Variants in CNTLN observed in about 807,000 individuals in gnomAD.
CNTLN encodes the protein centlein, centrosomal protein.
CNTLN carries 212 observed loss-of-function variants against 180.0 expected under a neutral mutation model. That is an observed-to-expected ratio of 1.18 (90% CI 1.05 to 1.32). The LOEUF is 1.32. Ranked by LOEUF, CNTLN falls within the 40% of genes most tolerant of loss-of-function variation. The probability of loss-of-function intolerance (pLI) is 0.00; values close to 1 mark genes in which losing one functional copy is unlikely to be tolerated. For missense variants in CNTLN, 2,095 were observed against 1,610.9 expected (o/e 1.30, Z -5.14); for synonymous variants, 722 against 563.1 (o/e 1.28, Z -3.99).
chr9:17,168,514 A>G (rs1283469060), intron 2 of CNTLN: 1 of 152,192 alleles, frequency 6.6e-6, no homozygotes, highest in African/African-American at 2.4e-5. Context: ...TTGAAAAAAT[A>G]ACATGTAACT....
At chr9:17,166,032 A>T (rs1429843099) in intron 2 of CNTLN, among the ~76,000 whole-genome samples, 1 of 152,256 alleles carries the variant, frequency 6.6e-6, no homozygotes. Context: ...ACAAATGATC[A>T]TAAGACATTT....
rs182459128 is a variant in CNTLN, at chr9:17,166,380, G to A, written c.449+23004G>A. On this transcript the variant is annotated intron_variant, in intron 2 of 25. Transcript: ENST00000380647. ...AAGGAAAAGAATAAGAATCAATATAGGTGCTATAACAGTCATTAATAGGAA... is the reference window on the plus strand; with the variant it reads ...AAGGAAAAGAATAAGAATCAATATAAGTGCTATAACAGTCATTAATAGGAA... Among the ~76,000 whole-genome samples, 1,061 of 152,184 alleles carry A rather than the reference G, an allele frequency of 7.0e-3. 7 individuals are homozygous for A. Among genetic ancestry groups the A allele is most frequent in the Non-Finnish European group, 0.011 (729 of 68,000 alleles).
At chr9:17,514,243 G>A in the CNTLN span, among the ~76,000 whole-genome samples, 1 of 152,034 alleles carries the variant, frequency 6.6e-6, no homozygotes, top group East Asian at 1.9e-4. Flanking sequence ...CTGGGGACTT[G>A]TGGGTGCAGT....
chr9:17,471,806 A>G (rs2134240683), intron 23 of CNTLN, among the ~76,000 whole-genome samples: 1 of 152,222 alleles, frequency 6.6e-6, no homozygotes. Context: ...CAGATAAGAG[A>G]GAAGTAAAGA....
chr9:17,490,265 G>C (rs1314538251), intron 25 of CNTLN, among the ~76,000 whole-genome samples: 1 of 152,020 alleles, frequency 6.6e-6, no homozygotes, highest in Non-Finnish European at 1.5e-5. Flanking sequence ...GTCTGGATGT[G>C]GCCTGGCCAT....
downstream of CNTLN, among the ~76,000 whole-genome samples, chr9:17,507,690 A>G (rs1293615605): frequency 6.6e-6 from 1 of 152,218 alleles, no homozygotes; most frequent in African/African-American, 2.4e-5. Context: ...TTTCATCAAA[A>G]AGATGATTTT....
intron 2 of CNTLN, among the ~76,000 whole-genome samples, chr9:17,190,595 T>C (rs1821732678): frequency 6.6e-6 from 1 of 152,180 alleles, no homozygotes; most frequent in Non-Finnish European, 1.5e-5. Context: ...GATTGACAGA[T>C]ATAGGTAGTG....
chr9:17,358,909 A>T (rs940000633), intron 12 of CNTLN, among the ~76,000 whole-genome samples: 1 of 152,194 alleles, frequency 6.6e-6, no homozygotes, highest in Non-Finnish European at 1.5e-5. Flanking sequence ...TAGATTGATT[A>T]TAGTCTAAAT....
chr9:17,420,904 C>T (rs1006231070), intron 18 of CNTLN, among the ~76,000 whole-genome samples: 2 of 152,084 alleles, frequency 1.3e-5, no homozygotes, highest in African/African-American at 4.8e-5. Context: ...TACTTTAATT[C>T]CATTGTGATC....
chr9:17,443,792 C>T (rs1830244609), intron 18 of CNTLN, among the ~76,000 whole-genome samples: 1 of 152,034 alleles, frequency 6.6e-6, no homozygotes, highest in South Asian at 2.1e-4. Context: ...GCAGCAAGAT[C>T]TTAAGTTTGG....
At chr9:17,499,937 T>C (rs1833654769) in intron 25 of CNTLN, among the ~76,000 whole-genome samples, 1 of 152,074 alleles carries the variant, frequency 6.6e-6, no homozygotes, top group Non-Finnish European at 1.5e-5. Context: ...AAAGGGAAAA[T>C]AGAAAAATTG....
intron 8 of CNTLN, among the ~76,000 whole-genome samples, chr9:17,311,938 T>G (rs930663823): frequency 6.6e-6 from 1 of 152,196 alleles, no homozygotes; most frequent in Non-Finnish European, 1.5e-5. Flanking sequence ...GATTTAAGAC[T>G]TATTTATTGA....
intron 23 of CNTLN, among the ~76,000 whole-genome samples, chr9:17,474,916 C>G (rs1481629190): frequency 6.6e-6 from 1 of 151,710 alleles, no homozygotes; most frequent in African/African-American, 2.4e-5. Flanking sequence ...ACTCTAGTCT[C>G]CTGGCATGAC....
At chr9:17,395,144 T>C in intron 15 of CNTLN, 75 bp downstream of exon 15, 1 of 1,485,986 alleles carries the variant, frequency 6.7e-7, no homozygotes, top group Non-Finnish European at 8.9e-7. Context: ...GGAGATTGAA[T>C]TTCAACTACT....
chr9:17,176,245 T>A (rs1675888493), intron 2 of CNTLN, among the ~76,000 whole-genome samples: 1 of 152,104 alleles, frequency 6.6e-6, no homozygotes, highest in Non-Finnish European at 1.5e-5. Context: ...ATTTTTTTTT[T>A]ATCAAGTTGA....
intron 7 of CNTLN, chr9:17,299,429 G>T: frequency 1.0e-6 from 1 of 971,720 alleles, no homozygotes; most frequent in Non-Finnish European, 1.2e-6. Flanking sequence ...TAGAATTACT[G>T]GATTTTTACT....
At chr9:17,327,406 G>A (rs895898736) in intron 8 of CNTLN, among the ~76,000 whole-genome samples, 13 of 151,030 alleles carry the variant, frequency 8.6e-5, no homozygotes, top group African/African-American at 2.4e-4. Context: ...GGATGGTCTC[G>A]ATCTCCTGAC....
At position 17,334,420 on chromosome 9, in the gene CNTLN, T is replaced by TACACACACACAC. The variant is rs56376464; in HGVS notation, c.1644+1706_1644+1717dup. On this transcript the variant is annotated intron_variant, in intron 10 of 25. Transcript: ENST00000380647. ...CTCCAGAGAAACAGAGCCAATAGAA[T>TACACACACACAC]ACACACACACACACACACACACACA... 4.9e-4 allele frequency among the ~76,000 whole-genome samples: 73 copies of TACACACACACAC among 149,830 alleles called. 1 individual carries two copies. Among genetic ancestry groups the TACACACACACAC allele is most frequent in the African/African-American group, 1.7e-3 (71 of 40,856 alleles).
chr9:17,173,369 A>T (rs1408075873), intron 2 of CNTLN, among the ~76,000 whole-genome samples: 3 of 152,166 alleles, frequency 2.0e-5, no homozygotes, highest in Non-Finnish European at 4.4e-5. Context: ...ACATGTGCGT[A>T]TGCATATTTA....
Sources: gnomAD v4.1 joint callset for allele counts (sites outside exome capture counted in the v4.1 genomes callset) on GRCh38, gnomAD v4.1.1 for gene constraint, MANE v1.5 for transcripts, NCBI Gene and HGNC (gene_info 2026-07-23, HGNC 2026-07-21) for gene names.